Variants in KDM4C observed in about 807,000 individuals in gnomAD.
KDM4C encodes lysine-specific demethylase 4C.
Under a neutral mutation model 129.3 loss-of-function variants are expected in KDM4C, and 81 were observed. That is an observed-to-expected ratio of 0.63 (90% confidence interval 0.52 to 0.75). The LOEUF (loss-of-function observed/expected upper bound fraction) is 0.75. KDM4C is among the 30% of genes least tolerant of loss of function. The pLI, the probability that KDM4C is intolerant of heterozygous loss-of-function variation, is 0.00. For missense variants in KDM4C, 1,457 were observed against 1,304.0 expected (o/e 1.12, Z -1.81); for synonymous variants, 573 against 456.1 (o/e 1.26, Z -3.26).
chr9:7,110,941 C>G (rs1838252103), intron 18 of KDM4C, among the ~76,000 whole-genome samples: 1 of 152,130 alleles, frequency 6.6e-6, no homozygotes, highest in Non-Finnish European at 1.5e-5. Flanking sequence ...TGGCTTAGCA[C>G]AAAAGTTAGT....
intron 1 of KDM4C, among the ~76,000 whole-genome samples, chr9:6,783,825 A>G (rs1824883340): frequency 6.6e-6 from 1 of 152,186 alleles, no homozygotes; most frequent in Admixed American, 6.6e-5. Context: ...ATTTCAATCC[A>G]TTGGTGGAGG....
At chr9:6,885,511 G>A (rs1372317259) in intron 6 of KDM4C, among the ~76,000 whole-genome samples, 1 of 151,772 alleles carries the variant, frequency 6.6e-6, no homozygotes, top group Non-Finnish European at 1.5e-5. Flanking sequence ...TGGAATACAA[G>A]CTTTTTATTA....
At position 6,841,436 on chromosome 9, in the gene KDM4C, A is replaced by G. The variant is rs139464353; in HGVS notation, c.436-8071A>G. Among the ~76,000 whole-genome samples, 773 of 152,252 alleles carry G rather than the reference A, an allele frequency of 5.1e-3. 6 individuals are homozygous for G. The highest frequency in any genetic ancestry group is 0.018 in the African/African-American group (729 of 41,548). On this transcript the variant is annotated intron_variant, in intron 4 of 21. Coordinates refer to ENST00000381309, the MANE Select transcript of KDM4C (RefSeq NM_015061.6). ...AGAGAGTGACAGGTTAGTGGTTTTG[A>G]CCTAATTTTGGGGAACAAGGTTCAT...
intron 17 of KDM4C, among the ~76,000 whole-genome samples, chr9:7,083,220 T>C (rs1404323953): frequency 6.6e-6 from 1 of 152,224 alleles, no homozygotes; most frequent in East Asian, 1.9e-4. Context: ...GATTTTGTAA[T>C]ACTTGCATTA....
rs141261636 is a variant in KDM4C at position 7,134,837 on chromosome 9, G to C, written c.2781+6601G>C. Among the ~76,000 whole-genome samples the C allele has an allele frequency of 3.2e-3, 484 of 152,288 alleles. 1 individual carries two copies. Among genetic ancestry groups the C allele is most frequent in the Non-Finnish European group, 5.4e-3 (370 of 68,026 alleles). ...TTGAAGAATAAACCTGCAGTTATTGGGCAGGGGCTCCTAATTAAGGTCAGG... is the reference window on the plus strand; with the variant it reads ...TTGAAGAATAAACCTGCAGTTATTGCGCAGGGGCTCCTAATTAAGGTCAGG... On this transcript the variant is annotated intron_variant, in intron 19 of 21. Coordinates refer to ENST00000381309, the MANE Select transcript of KDM4C (RefSeq NM_015061.6).
At chr9:6,986,881 C>T (rs538719281) in intron 11 of KDM4C, 36 of 452,568 alleles carry the variant, frequency 8.0e-5, no homozygotes, top group Non-Finnish European at 1.2e-4. Flanking sequence ...CTTATGGCCA[C>T]GTGTCGATGC....
chr9:7,019,032 T>G (rs186833753), intron 15 of KDM4C, among the ~76,000 whole-genome samples: 1 of 152,330 alleles, frequency 6.6e-6, no homozygotes, highest in East Asian at 1.9e-4. Flanking sequence ...CACTTGTTTT[T>G]TCAGCGTATC....
chr9:7,006,427 C>A (rs775068713), intron 12 of KDM4C, among the ~76,000 whole-genome samples: 61 of 152,208 alleles, frequency 4.0e-4, no homozygotes, highest in Admixed American at 1.3e-3. Flanking sequence ...AATGACAAGA[C>A]AGAAATCTAG....
At chr9:6,961,551 A>G (rs1830058267) in intron 8 of KDM4C, among the ~76,000 whole-genome samples, 1 of 152,228 alleles carries the variant, frequency 6.6e-6, no homozygotes, top group Admixed American at 6.5e-5. Context: ...TATAGTATTT[A>G]TACATAGCAT....
chr9:6,840,354 C>T (rs1036763639), intron 4 of KDM4C, among the ~76,000 whole-genome samples: 5 of 151,588 alleles, frequency 3.3e-5, no homozygotes, highest in African/African-American at 1.2e-4. Flanking sequence ...ATTACAGGCA[C>T]GAGCCACTGA....
intron 17 of KDM4C, among the ~76,000 whole-genome samples, chr9:7,072,401 C>A (rs887720636): frequency 1.3e-5 from 2 of 152,138 alleles, no homozygotes; most frequent in Non-Finnish European, 2.9e-5. Flanking sequence ...AATGAATTCT[C>A]AAAACATGGT....
intron 16 of KDM4C, among the ~76,000 whole-genome samples, chr9:7,048,883 A>G (rs1237853027): frequency 6.6e-6 from 1 of 152,044 alleles, no homozygotes. Flanking sequence ...TCAGCTCTTC[A>G]TGGCACAATG....
intron 1 of KDM4C, among the ~76,000 whole-genome samples, chr9:6,772,808 T>G (rs1822166251): frequency 6.7e-6 from 1 of 149,966 alleles, no homozygotes; most frequent in Non-Finnish European, 1.5e-5. Context: ...TTCTCCTGCC[T>G]CAGCCTCCTG....
At chr9:6,767,160 A>T (rs1249762651) in intron 1 of KDM4C, among the ~76,000 whole-genome samples, 1 of 151,476 alleles carries the variant, frequency 6.6e-6, no homozygotes, top group Non-Finnish European at 1.5e-5. Flanking sequence ...CTTTTTTGAG[A>T]TGGAGTCTCG....
intron 2 of KDM4C, among the ~76,000 whole-genome samples, chr9:6,800,878 T>A (rs1828817899): frequency 6.6e-6 from 1 of 152,208 alleles, no homozygotes; most frequent in South Asian, 2.1e-4. Flanking sequence ...TCCTCCAGCC[T>A]CGGCCTCCTG....
chr9:6,885,846 A>G (rs756705028), intron 6 of KDM4C, among the ~76,000 whole-genome samples: 3 of 152,204 alleles, frequency 2.0e-5, no homozygotes, highest in African/African-American at 7.2e-5. Context: ...ATTCTGAACC[A>G]ATGTGAAATT....
chr9:6,972,072 C>T lies in KDM4C; in HGVS notation c.922-8853C>T, dbSNP rs541051912. On this transcript the variant is annotated intron_variant, in intron 8 of 21. Coordinates refer to ENST00000381309, the MANE Select transcript of KDM4C (RefSeq NM_015061.6). The stretch of plus-strand genomic sequence containing the variant: ...AAAAAATACACAAAATATGATTACA[C>T]GTGGCAAGTGATTTGAAGGGAAAAT... 1.0e-3 allele frequency among the ~76,000 whole-genome samples: 153 copies of T among 152,038 alleles called. 1 individual carries two copies. The highest frequency in any genetic ancestry group is 3.4e-3 in the Middle Eastern group (1 of 294).
At position 6,974,130 on chromosome 9, in the gene KDM4C, G is replaced by A. The variant is rs148126258; in HGVS notation, c.922-6795G>A. On this transcript the variant is annotated intron_variant, in intron 8 of 21. Coordinates refer to ENST00000381309, the MANE Select transcript of KDM4C (RefSeq NM_015061.6). ...CCAACAAGTCAGTTAGCATTTTTGT[G>A]CCTCAGTTTCTTATCCATAAATTAG... is the stretch of plus-strand genomic sequence containing the variant. Among the ~76,000 whole-genome samples, 9 of 152,266 alleles carry A rather than the reference G, an allele frequency of 5.9e-5. No individual in the cohort carries two copies. In the East Asian group the frequency reaches 1.7e-3, roughly 29 times the overall value.
chr9:6,978,172 A>C (rs1009610252), intron 8 of KDM4C, among the ~76,000 whole-genome samples: 1 of 152,126 alleles, frequency 6.6e-6, no homozygotes, highest in Non-Finnish European at 1.5e-5. Context: ...AGGCACAGAG[A>C]GGTTAAACAA....
Sources: allele counts gnomAD v4.1 joint callset (sites outside exome capture counted in the v4.1 genomes callset), GRCh38; gene constraint gnomAD v4.1.1; transcripts MANE v1.5; gene names NCBI Gene and HGNC (gene_info 2026-07-23, HGNC 2026-07-21).